EPB41L4A: variants seen among roughly 807,000 people sequenced by gnomAD.
EPB41L4A encodes band 4.1-like protein 4A.
EPB41L4A carries 100 observed loss-of-function variants against 108.6 expected under a neutral mutation model. That is an observed-to-expected ratio of 0.92 (90% CI 0.78 to 1.09). The LOEUF (loss-of-function observed/expected upper bound fraction) is 1.09. Among genes scored for constraint, EPB41L4A ranks in the 50% least tolerant of loss-of-function variants. The pLI, the probability that EPB41L4A is intolerant of heterozygous loss-of-function variation, is 0.00. For missense variants in EPB41L4A, 1,030 were observed against 842.7 expected (o/e 1.22, Z -2.75); for synonymous variants, 319 against 289.0 (o/e 1.10, Z -1.05).
intron 1 of EPB41L4A, among the ~76,000 whole-genome samples, chr5:112,384,530 A>G (rs1224581077): frequency 1.3e-5 from 2 of 152,160 alleles, no homozygotes; most frequent in African/African-American, 4.8e-5. Context: ...GAGCCTGAGA[A>G]CTTTCTGCCG....
chr5:112,238,144 C>T (rs1749490935), intron 11 of EPB41L4A, among the ~76,000 whole-genome samples: 1 of 152,124 alleles, frequency 6.6e-6, no homozygotes, highest in South Asian at 2.1e-4. Flanking sequence ...GTCTTTCTAC[C>T]AGCTCCTTTT....
chr5:112,314,330 C>T (rs1045538140), intron 1 of EPB41L4A, among the ~76,000 whole-genome samples: 2 of 151,406 alleles, frequency 1.3e-5, no homozygotes, highest in African/African-American at 4.9e-5. Flanking sequence ...TTAATGAAAT[C>T]TTGATTCTTA....
intron 13 of EPB41L4A, chr5:112,143,972 C>A (rs1326821057): frequency 1.2e-5 from 5 of 403,884 alleles, no homozygotes; most frequent in South Asian, 5.4e-5. Flanking sequence ...TATGGCCACC[C>A]TCCAATTCAC....
rs115864894 is a variant in EPB41L4A at position 112,227,832 on chromosome 5, G to A, written c.1087+6802C>T. Among the ~76,000 whole-genome samples, 881 of 152,224 alleles carry A rather than the reference G, an allele frequency of 5.8e-3. 8 individuals carry two copies. Among genetic ancestry groups the A allele is most frequent in the Non-Finnish European group, 8.3e-3 (566 of 68,014 alleles). ...AAATGAAACTGTACTTCATTATATC[G>A]AATAATTTCTCTGTCTTCCCTGCTT... On this transcript the variant is annotated intron_variant, in intron 12 of 22. Transcript: ENST00000261486.
chr5:112,195,692 C>T lies in EPB41L4A; in HGVS notation c.1393G>A (p.Gly465Ser). Residue 465 changes from glycine to serine, a missense_variant, in exon 16 of 23, where the codon GGT becomes AGT. Physicochemically the swap from Gly to Ser is moderately conservative, Grantham distance 56 (BLOSUM62 0). Transcript: ENST00000261486. ...CTTTGCTTAAGATCTGAATCTTCACCACTGTTATGGGCTTTCCTGTGAAAA... is the reference window on the plus strand; with the variant it reads ...CTTTGCTTAAGATCTGAATCTTCACTACTGTTATGGGCTTTCCTGTGAAAA... ...PVRRRKAHNS[G>S]EDSDLKQRRR... 6.2e-7 allele frequency: 1 copy of T among 1,613,582 alleles called. No homozygotes were observed. The highest frequency in any genetic ancestry group is 8.5e-7 in the Non-Finnish European group (1 of 1,179,794).
intron 1 of EPB41L4A, among the ~76,000 whole-genome samples, chr5:112,380,340 A>G (rs1175308909): frequency 6.6e-6 from 1 of 152,248 alleles, no homozygotes; most frequent in Non-Finnish European, 1.5e-5. Context: ...CTATTTTATT[A>G]AAATGTTTTT....
chr5:112,329,849 C>T (rs926472014), intron 1 of EPB41L4A, among the ~76,000 whole-genome samples: 5 of 151,994 alleles, frequency 3.3e-5, no homozygotes, highest in African/African-American at 4.8e-5. Flanking sequence ...CAGTGGGTGG[C>T]CCGCAGGGTT....
chr5:112,340,172 C>T (rs373534151), intron 1 of EPB41L4A, among the ~76,000 whole-genome samples: 13 of 151,874 alleles, frequency 8.6e-5, no homozygotes, highest in African/African-American at 2.2e-4. Context: ...GAGGGAGTGA[C>T]GGAAGGAAAG....
intron 12 of EPB41L4A, among the ~76,000 whole-genome samples, chr5:112,233,973 T>G (rs768868099): frequency 2.0e-5 from 3 of 151,776 alleles, no homozygotes; most frequent in Non-Finnish European, 4.4e-5. Context: ...ACATTACAGG[T>G]ATGAGCCATT....
rs552428109 is a variant in EPB41L4A at position 112,314,505 on chromosome 5, T to TAAAAAAAAAAAAAAAAA, written c.100-7032_100-7016dup. Among the ~76,000 whole-genome samples the TAAAAAAAAAAAAAAAAA allele has an allele frequency of 7.8e-4, 43 of 55,184 alleles. 2 individuals carry two copies. Among genetic ancestry groups the TAAAAAAAAAAAAAAAAA allele is most frequent in the African/African-American group, 1.6e-3 (20 of 12,552 alleles). 36.2% of individuals were successfully genotyped at this position (55,184 alleles called of 152,430 possible). ...CAACAATGTGAAACCCCATCGCTAC[T>TAAAAAAAAAAAAAAAAA]AAAAAAAAAAAAAAAAAAAAAAAAA... is the stretch of plus-strand genomic sequence containing the variant. On this transcript the variant is annotated intron_variant, in intron 1 of 22. Coordinates refer to ENST00000261486, the MANE Select transcript of EPB41L4A (RefSeq NM_022140.5).
At chr5:112,260,113 T>C (rs976254858) in intron 7 of EPB41L4A, 134 bp from the exon 8 acceptor site, 13 of 673,630 alleles carry the variant, frequency 1.9e-5, no homozygotes, top group Non-Finnish European at 3.1e-5. Flanking sequence ...CCTAGAAAGC[T>C]AGATACACTA....
chr5:112,393,001 A>G (rs1382559690), intron 1 of EPB41L4A, among the ~76,000 whole-genome samples: 2 of 152,210 alleles, frequency 1.3e-5, no homozygotes, highest in African/African-American at 4.8e-5. Flanking sequence ...CTGGGTAAAT[A>G]ACAAAATGAA....
At chr5:112,414,095 C>G (rs891589876) in intron 1 of EPB41L4A, among the ~76,000 whole-genome samples, 2 of 152,114 alleles carry the variant, frequency 1.3e-5, no homozygotes, top group African/African-American at 2.4e-5. Flanking sequence ...ATTAGCGGTG[C>G]CAAAATTTAA....
chr5:112,293,826 G>A (rs1007935469), intron 2 of EPB41L4A, among the ~76,000 whole-genome samples: 2 of 152,198 alleles, frequency 1.3e-5, no homozygotes, highest in Non-Finnish European at 2.9e-5. Flanking sequence ...ACATGACTGT[G>A]CTCAGAAGAG....
rs1580645075 is a variant in EPB41L4A at position 112,303,335 on chromosome 5, G to A, written c.204+4051C>T. Reference sequence around the variant, plus strand: ...TTTTTGTTCAATACTCAGAGTACTCGGGGGCAGGGAAGAGAATACAAATAT... The same window carrying A: ...TTTTTGTTCAATACTCAGAGTACTCAGGGGCAGGGAAGAGAATACAAATAT... On this transcript the variant is annotated intron_variant, in intron 2 of 22. Coordinates refer to ENST00000261486, the MANE Select transcript of EPB41L4A (RefSeq NM_022140.5). Among the ~76,000 whole-genome samples the A allele has an allele frequency of 2.6e-5, 4 of 152,254 alleles. No individual in the cohort carries two copies. The East Asian group carries it at 7.7e-4, about 29-fold the overall frequency.
At chr5:112,414,565 A>G (rs988882992) in intron 1 of EPB41L4A, among the ~76,000 whole-genome samples, 1 of 152,186 alleles carries the variant, frequency 6.6e-6, no homozygotes, top group African/African-American at 2.4e-5. Context: ...AAGCTTACCA[A>G]TACAGAATTC....
rs180922468 is a variant in EPB41L4A, at chr5:112,402,157, A to G, written c.99+16784T>C. Among the ~76,000 whole-genome samples, 12 of 152,186 alleles carry G rather than the reference A, an allele frequency of 7.9e-5. No individual in the cohort carries two copies. The East Asian group carries it at 2.1e-3, about 27-fold the overall frequency. On this transcript the variant is annotated intron_variant, in intron 1 of 22. Transcript: ENST00000261486. ...GGCAAATTTCTCCCTTGCTGTTCTC[A>G]TGATAGTGAGTGAGTTCTCACTGGT... is the stretch of plus-strand genomic sequence containing the variant.
At position 112,280,272 on chromosome 5, in the gene EPB41L4A, T is replaced by C. The variant is rs1752881079; in HGVS notation, c.256A>G (p.Thr86Ala). ...TLAEHKELIN[T>A]GPPYTLYFGI... ...AACAAAGTAAAAGCTAAATACCTACTGTTGATCAGTTCTTTGTGTTCAGCA... is the reference window on the plus strand; with the variant it reads ...AACAAAGTAAAAGCTAAATACCTACCGTTGATCAGTTCTTTGTGTTCAGCA... Residue 86 changes from threonine (T) to alanine (A), a missense_variant and splice_region_variant, in exon 3 of 23, where the codon ACT (threonine) becomes GCT (alanine). By Grantham distance (58) the Thr-to-Ala change is moderately conservative. Coordinates refer to ENST00000261486, the MANE Select transcript of EPB41L4A (RefSeq NM_022140.5). 1 of 1,613,618 alleles carries C rather than the reference T, an allele frequency of 6.2e-7. No homozygotes were observed. The highest frequency in any genetic ancestry group is 1.7e-5 in the Admixed American group (1 of 60,000).
intron 10 of EPB41L4A, 62 bp from the exon 11 acceptor site, chr5:112,239,799 C>A: frequency 9.0e-7 from 1 of 1,106,060 alleles, no homozygotes; most frequent in South Asian, 1.4e-5. Context: ...CTGGGCCACC[C>A]CCTTCTCCTA....
Sources: allele counts gnomAD v4.1 joint callset (sites outside exome capture counted in the v4.1 genomes callset), GRCh38; gene constraint gnomAD v4.1.1; transcripts MANE v1.5; gene names NCBI Gene and HGNC (gene_info 2026-07-23, HGNC 2026-07-21).